Variants in GRM5 observed in about 807,000 individuals in gnomAD.
GRM5 encodes glutamate metabotropic receptor 5.
A neutral mutation model predicts 83.1 loss-of-function variants in GRM5; 19 were observed. The ratio of observed to expected loss-of-function variants is 0.23; its 90% CI spans 0.16 to 0.34. The LOEUF is 0.34. Among genes scored for constraint, GRM5 ranks in the 10% least tolerant of loss-of-function variants. The probability of loss-of-function intolerance (pLI) is 1.00; values close to 1 mark genes in which losing one functional copy is unlikely to be tolerated. For missense variants in GRM5, 1,160 were observed against 1,588.3 expected, an observed-to-expected ratio of 0.73 and a Z score of 4.58; for synonymous variants, 675 against 633.6, an observed-to-expected ratio of 1.07 and a Z score of -0.98.
chr11:88,826,356 T>A (rs961622533), intron 3 of GRM5, among the ~76,000 whole-genome samples: 11 of 152,052 alleles, frequency 7.2e-5, no homozygotes, highest in African/African-American at 2.7e-4. Context: ...GACCCTAAGT[T>A]CTGTAGGAAT....
At chr11:88,517,400 G>T (rs1941550577) in intron 9 of GRM5, among the ~76,000 whole-genome samples, 1 of 152,094 alleles carries the variant, frequency 6.6e-6, no homozygotes, top group Admixed American at 6.5e-5. Flanking sequence ...AGTGTGCTTT[G>T]AAGGCATGTG....
At chr11:88,888,623 A>G (rs1945085646) in intron 2 of GRM5, among the ~76,000 whole-genome samples, 1 of 152,200 alleles carries the variant, frequency 6.6e-6, no homozygotes, top group South Asian at 2.1e-4. Flanking sequence ...CAAAAAGGTA[A>G]AAGTTTTTTT....
intron 3 of GRM5, among the ~76,000 whole-genome samples, chr11:88,837,887 A>G (rs1944120006): frequency 6.6e-6 from 1 of 152,104 alleles, no homozygotes; most frequent in Admixed American, 6.5e-5. Context: ...GATGGAGACC[A>G]TCCTGGCTAA....
At position 88,505,546 on chromosome 11, in the gene GRM5, T is replaced by G. The variant is rs1233342207; in HGVS notation, c.*3046A>C. ...CTTGCTTCAGTCAAATCTCTTATAA[T>G]TTTTCTTTCCATACTCCCTTTCTGT... is the stretch of plus-strand genomic sequence containing the variant. On this transcript the variant is annotated 3_prime_UTR_variant, in exon 10 of 10. Transcript: ENST00000305447. The G allele has an allele frequency of 1.3e-5, 2 of 152,220 alleles. No homozygotes were observed. Among genetic ancestry groups the G allele is most frequent in the East Asian group, 3.8e-4 (2 of 5,198 alleles). 9.4% of individuals were successfully genotyped at this position (152,220 alleles called of 1,614,324 possible). A position where few individuals can be genotyped will look rare whatever the true frequency, so the allele number is the denominator to read the frequency against.
chr11:88,711,353 T>A (rs1460781793), intron 3 of GRM5, among the ~76,000 whole-genome samples: 1 of 152,136 alleles, frequency 6.6e-6, no homozygotes, highest in Non-Finnish European at 1.5e-5. Context: ...ACTGATGCCA[T>A]GATCCACTTG....
intron 3 of GRM5, among the ~76,000 whole-genome samples, chr11:88,673,447 G>A (rs1315430803): frequency 6.6e-6 from 1 of 151,844 alleles, no homozygotes; most frequent in African/African-American, 2.4e-5. Context: ...TGAAACGCTT[G>A]TGAAACAATC....
rs564583988 is a variant in GRM5 at position 88,776,907 on chromosome 11, A to G, written c.911+72999T>C. ...CATTTCAACCTTGGCAAATCTGACA[A>G]TTATGTGTCTTGGGGTTGCTCTTCT... On this transcript the variant is annotated intron_variant, in intron 3 of 9. Coordinates refer to ENST00000305447, the MANE Select transcript of GRM5 (RefSeq NM_001143831.3). Among the ~76,000 whole-genome samples the G allele has an allele frequency of 2.6e-5, 4 of 152,224 alleles. No homozygotes were observed. In the South Asian group the frequency reaches 8.3e-4, roughly 32 times the overall value.
rs371637661 is a variant in GRM5 at position 89,021,004 on chromosome 11, C to T, written c.661+26208G>A. ...ACCCTGTGAGAGTCTCCATGAAGAACGATAAATAATACATTTGACCACAGT... is the reference window on the plus strand; with the variant it reads ...ACCCTGTGAGAGTCTCCATGAAGAATGATAAATAATACATTTGACCACAGT... On this transcript the variant is annotated intron_variant, in intron 2 of 9. Transcript: ENST00000305447. 3.1e-3 allele frequency among the ~76,000 whole-genome samples: 476 copies of T among 152,170 alleles called. 3 individuals carry two copies. Among genetic ancestry groups the T allele is most frequent in the African/African-American group, 0.011 (446 of 41,496 alleles).
chr11:88,907,677 A>G (rs1324407882), intron 2 of GRM5, among the ~76,000 whole-genome samples: 1 of 152,178 alleles, frequency 6.6e-6, no homozygotes, highest in Non-Finnish European at 1.5e-5. Context: ...CGTGAACACC[A>G]GAGCTTTGGA....
chr11:88,860,151 G>A (rs1051180742), intron 2 of GRM5, among the ~76,000 whole-genome samples: 1 of 152,100 alleles, frequency 6.6e-6, no homozygotes, highest in African/African-American at 2.4e-5. Flanking sequence ...AAAATGGTTT[G>A]AGATTTCCAT....
intron 2 of GRM5, among the ~76,000 whole-genome samples, chr11:88,988,478 G>A (rs190362860): frequency 1.3e-5 from 2 of 152,228 alleles, no homozygotes; most frequent in Admixed American, 1.3e-4. Context: ...TAACAAGGCA[G>A]GCCAACATTC....
intron 2 of GRM5, among the ~76,000 whole-genome samples, chr11:88,883,175 G>A (rs1944989605): frequency 3.9e-5 from 6 of 152,212 alleles, no homozygotes; most frequent in Admixed American, 3.9e-4. Flanking sequence ...ACCCCAAAAT[G>A]TGGAAGCAAC....
chr11:88,751,099 A>C (rs1212480083), intron 3 of GRM5, among the ~76,000 whole-genome samples: 9 of 149,086 alleles, frequency 6.0e-5, no homozygotes, highest in Non-Finnish European at 1.0e-4. Context: ...AAAAAAACAA[A>C]GAACAAAATC....
intron 2 of GRM5, among the ~76,000 whole-genome samples, chr11:88,852,639 C>T (rs1477251133): frequency 6.6e-6 from 1 of 152,010 alleles, no homozygotes; most frequent in Non-Finnish European, 1.5e-5. Context: ...GAAAAATTTT[C>T]ACTCAATTTT....
At chr11:88,616,389 G>GTTT (rs68153026) in intron 4 of GRM5, among the ~76,000 whole-genome samples, 21 of 95,772 alleles carry the variant, frequency 2.2e-4, no homozygotes, top group African/African-American at 7.2e-4. Context: ...GCTTTGGAGT[G>GTTT]TTTTTTTTTT....
At chr11:88,898,530 C>T (rs1246446166) in intron 2 of GRM5, among the ~76,000 whole-genome samples, 2 of 151,868 alleles carry the variant, frequency 1.3e-5, no homozygotes, top group African/African-American at 4.8e-5. Flanking sequence ...AATAAATGGA[C>T]TAAGAAATAA....
intron 4 of GRM5, among the ~76,000 whole-genome samples, chr11:88,611,515 A>G (rs934907014): frequency 2.0e-5 from 3 of 152,170 alleles, no homozygotes; most frequent in Non-Finnish European, 4.4e-5. Flanking sequence ...TGATGCTGAC[A>G]ATAGTCTCTG....
intron 9 of GRM5, among the ~76,000 whole-genome samples, chr11:88,516,440 T>C (rs1200890391): frequency 1.3e-5 from 2 of 152,186 alleles, no homozygotes; most frequent in African/African-American, 4.8e-5. Flanking sequence ...AATAACCTGA[T>C]AAATTCTAAA....
At chr11:88,959,744 T>C (rs750632774) in intron 2 of GRM5, among the ~76,000 whole-genome samples, 11 of 152,158 alleles carry the variant, frequency 7.2e-5, no homozygotes, top group Non-Finnish European at 1.6e-4. Flanking sequence ...GACACAGAGC[T>C]CTGGGTTAGA....
Sources: gnomAD v4.1 joint callset for allele counts (sites outside exome capture counted in the v4.1 genomes callset) on GRCh38, gnomAD v4.1.1 for gene constraint, MANE v1.5 for transcripts, NCBI Gene and HGNC (gene_info 2026-07-23, HGNC 2026-07-21) for gene names.